The following PCDHB15 variants were observed in gnomAD, a reference collection of about 807,000 sequenced individuals.
PCDHB15 encodes protocadherin beta 15, also known as protocadherin beta-15.
For synonymous variants in PCDHB15, 492 were observed against 447.9 expected (o/e 1.10, Z -1.24); for missense variants, 1,032 against 991.7 (o/e 1.04, Z -0.55).
chr5:141,247,222 A>C lies in PCDHB15; in HGVS notation c.1644A>C (p.Arg548=), dbSNP rs3096082. ...FPALSSEALV[R]VLVLDANDNS... Reference sequence around the variant, plus strand: ...CGCTGAGCAGCGAGGCGCTGGTGCGAGTGCTGGTGCTGGACGCCAACGACA... The same window carrying C: ...CGCTGAGCAGCGAGGCGCTGGTGCGCGTGCTGGTGCTGGACGCCAACGACA... The change falls in exon 1 of 1, where the codon CGA becomes CGC. Residue 548 remains arginine (R), a synonymous_variant. Transcript: ENST00000231173. The C allele has an allele frequency of 0.17, 257,887 of 1,558,048 alleles. 13,233 individuals carry two copies. The highest frequency in any genetic ancestry group is 0.36 in the African/African-American group (25,918 of 72,502).
chr5:141,247,558 G>A lies in PCDHB15; in HGVS notation c.1980G>A (p.Val660=), dbSNP rs1554292259. The change falls in exon 1 of 1, where the codon GTG becomes GTA. Residue 660 remains valine (V), a synonymous_variant. Transcript: ENST00000231173. ...PPRSATATLQ[V]LLVDGFSQPY... is the part of the protein sequence containing the mutation. ...GCTCGGCCACCGCCACGCTGCAAGT[G>A]CTCCTGGTGGACGGCTTCTCTCAGC... is the stretch of plus-strand genomic sequence containing the variant. 1 of 1,609,268 alleles carries A rather than the reference G, an allele frequency of 6.2e-7. No individual in the cohort carries two copies. Among genetic ancestry groups the A allele is most frequent in the Admixed American group, 1.7e-5 (1 of 60,014 alleles).
Position 141,245,437 on chromosome 5 carries a change from G to A in PCDHB15, c.-142G>A. On this transcript the variant is annotated 5_prime_UTR_variant, in exon 1 of 1. Transcript: ENST00000231173. ...AGAGGAAAGCCTGTTAGCAGAGCAC[G>A]GACCAGTGTCTCCGGAGAATGCTAT... 1.5e-6 allele frequency: 1 copy of A among 687,034 alleles called. No homozygotes were observed. Among genetic ancestry groups the A allele is most frequent in the Non-Finnish European group, 2.4e-6 (1 of 413,722 alleles). 42.6% of individuals were successfully genotyped at this position (687,034 alleles called of 1,614,324 possible).
At position 141,247,694 on chromosome 5, in the gene PCDHB15, T is replaced by C. The variant is rs369183023; in HGVS notation, c.2116T>C (p.Phe706Leu). 99 of 1,611,724 alleles carry C rather than the reference T, an allele frequency of 6.1e-5. No homozygotes were observed. The highest frequency in any genetic ancestry group is 3.5e-4 in the Middle Eastern group (2 of 5,770). The stretch of plus-strand genomic sequence containing the variant: ...GTCTTCGCTCTTCCTCTTCTCGGTG[T>C]TCCTGTTCGTGGCAGTGCGGCTGTG... Reference protein sequence around the residue: ...SVSSLFLFSVFLFVAVRLCRR... With the variant: ...SVSSLFLFSVLLFVAVRLCRR... Residue 706 changes from phenylalanine to leucine, a missense_variant, in exon 1 of 1, where the codon TTC (phenylalanine) becomes CTC (leucine). Physicochemically the swap from Phe to Leu is conservative, Grantham distance 22. Transcript: ENST00000231173.
rs1219758549 is a variant in PCDHB15 at position 141,246,735 on chromosome 5, A to C, written c.1157A>C (p.Gln386Pro). 2.4e-5 allele frequency: 39 copies of C among 1,613,966 alleles called. 1 individual carries two copies. The East Asian group carries it at 8.7e-4, about 36-fold the overall frequency. ...GENGKMICSI[Q>P]DDVPFKLKPS... ...AATGGAAAAATGATTTGCTCAATTC[A>C]GGATGATGTTCCTTTTAAGCTAAAA... Residue 386 changes from glutamine to proline, a missense_variant, in exon 1 of 1, where the codon CAG becomes CCG. Transcript: ENST00000231173.
chr5:141,245,749 G>T lies in PCDHB15; in HGVS notation c.171G>T (p.Gly57=). 6.2e-7 allele frequency: 1 copy of T among 1,614,212 alleles called. No homozygotes were observed. Among genetic ancestry groups the T allele is most frequent in the Non-Finnish European group, 8.5e-7 (1 of 1,180,042 alleles). ...CCAATGACCTAGGGCTGGGAGTGGGGGAGCTAGCCGAGCGGGGAGCCCGGG... is the reference window on the plus strand; with the variant it reads ...CCAATGACCTAGGGCTGGGAGTGGGTGAGCTAGCCGAGCGGGGAGCCCGGG... ...NLANDLGLGV[G]ELAERGARVV... Residue 57 remains glycine, a synonymous_variant, in exon 1 of 1, where the codon GGG becomes GGT. Transcript: ENST00000231173.
Position 141,246,486 on chromosome 5 carries a change from T to C in PCDHB15, c.908T>C (p.Leu303Pro). The change falls in exon 1 of 1, where the codon CTA (leucine) becomes CCA (proline). Residue 303 changes from leucine to proline, a missense_variant. Physicochemically the swap from Leu to Pro is moderately conservative, Grantham distance 98 (BLOSUM62 -3). Transcript: ENST00000231173. ...AGCAGCCTTTCAGGAGAAATTCGACTAATTAAAAAACTAGATTTTGAGACA... is the reference window on the plus strand; with the variant it reads ...AGCAGCCTTTCAGGAGAAATTCGACCAATTAAAAAACTAGATTTTGAGACA... ...ELSSLSGEIR[L>P]IKKLDFETMS... 3 of 1,614,156 alleles carry C rather than the reference T, an allele frequency of 1.9e-6. No homozygotes were observed. Among genetic ancestry groups the C allele is most frequent in the African/African-American group, 1.3e-5 (1 of 75,038 alleles).
Position 141,245,974 on chromosome 5 carries a change from G to A in PCDHB15, c.396G>A (p.Glu132=). The A allele has an allele frequency of 6.2e-7, 1 of 1,614,126 alleles. No homozygotes were observed. The highest frequency in any genetic ancestry group is 8.5e-7 in the Non-Finnish European group (1 of 1,180,026). The change falls in exon 1 of 1, where the codon GAG becomes GAA. Residue 132 remains glutamate, a synonymous_variant. Transcript: ENST00000231173. The stretch of plus-strand genomic sequence containing the variant: ...CAGACATAAACGATCATTCTCCTGA[G>A]TTTCCTGAAAGAGAAATGACCCTGA... ...LVTDINDHSP[E]FPEREMTLKI... is the part of the protein sequence containing the mutation.
In PCDHB15 at chr5:141,246,402, G is replaced by A. The variant is rs782411132; in HGVS notation, c.824G>A (p.Gly275Glu). The change falls in exon 1 of 1, where the codon GGA becomes GAA. Residue 275 changes from glycine (G) to glutamate (E), a missense_variant. By Grantham distance (98) the Gly-to-Glu change is moderately conservative. Coordinates refer to ENST00000231173, the MANE Select transcript of PCDHB15 (RefSeq NM_018935.4). ...AGGGATTTAGACACTGGGACAAATGGAGAGATATCATACTCCCTTTATTAC... is the reference window on the plus strand; with the variant it reads ...AGGGATTTAGACACTGGGACAAATGAAGAGATATCATACTCCCTTTATTAC... ...SARDLDTGTN[G>E]EISYSLYYSS... 4 of 1,613,726 alleles carry A rather than the reference G, an allele frequency of 2.5e-6. No homozygotes were observed. The highest frequency in any genetic ancestry group is 2.7e-5 in the African/African-American group (2 of 74,916).
Position 141,245,770 on chromosome 5 carries a change from C to T in PCDHB15, c.192C>T (p.Ala64=). Residue 64 remains alanine, a synonymous_variant, in exon 1 of 1, where the codon GCC becomes GCT. Transcript: ENST00000231173. ...LGVGELAERG[A]RVVSEDNEQG... ...TGGGGGAGCTAGCCGAGCGGGGAGC[C>T]CGGGTAGTTTCTGAGGATAACGAAC... 6.2e-7 allele frequency: 1 copy of T among 1,614,150 alleles called. No individual in the cohort carries two copies. The highest frequency in any genetic ancestry group is 8.5e-7 in the Non-Finnish European group (1 of 1,180,024).
chr5:141,245,716 C>G lies in PCDHB15; in HGVS notation c.138C>G (p.Ala46=). The change falls in exon 1 of 1, where the codon GCC becomes GCG. Residue 46 remains alanine (A), a synonymous_variant. Coordinates refer to ENST00000231173, the MANE Select transcript of PCDHB15 (RefSeq NM_018935.4). ...AAACAGAGAGAGGTTCTTTTGTAGC[C>G]AACCTGGCCAATGACCTAGGGCTGG... ...MEETERGSFV[A]NLANDLGLGV... The G allele has an allele frequency of 6.2e-7, 1 of 1,614,190 alleles. No individual in the cohort carries two copies. Among genetic ancestry groups the G allele is most frequent in the South Asian group, 1.1e-5 (1 of 91,084 alleles).
Position 141,247,040 on chromosome 5 carries a change from T to A in PCDHB15, c.1462T>A (p.Tyr488Asn), listed in dbSNP as rs1564025000. The change falls in exon 1 of 1, where the codon TAC becomes AAC. Residue 488 changes from tyrosine to asparagine, a missense_variant. Physicochemically the swap from Tyr to Asn is moderately radical, Grantham distance 143 (BLOSUM62 -2). Coordinates refer to ENST00000231173, the MANE Select transcript of PCDHB15 (RefSeq NM_018935.4). ...RDSGTNAQVT[Y>N]SLLPPRDPHL... is the part of the protein sequence containing the mutation. ...CTCGGGCACCAACGCCCAGGTCACCTACTCGCTGCTGCCGCCCCGGGACCC... is the reference window on the plus strand; with the variant it reads ...CTCGGGCACCAACGCCCAGGTCACCAACTCGCTGCTGCCGCCCCGGGACCC... 1.2e-6 allele frequency: 2 copies of A among 1,613,722 alleles called. No homozygotes were observed.
At position 141,245,426 on chromosome 5, in the gene PCDHB15, T is replaced by C; in HGVS notation, c.-153T>C. On this transcript the variant is annotated 5_prime_UTR_variant, in exon 1 of 1. Transcript: ENST00000231173. ...CTTTCAGCCTAAGAGGAAAGCCTGT[T>C]AGCAGAGCACGGACCAGTGTCTCCG... The C allele has an allele frequency of 1.5e-6, 1 of 645,362 alleles. No homozygotes were observed. The highest frequency in any genetic ancestry group is 2.6e-6 in the Non-Finnish European group (1 of 379,842). The allele number at this position is 645,362 out of a possible 1,614,324, so 40.0% of individuals were successfully genotyped here.
rs143037265 is a variant in PCDHB15 at position 141,248,037 on chromosome 5, C to CT, written c.*103dup. Reference sequence around the variant, plus strand: ...AACCCTTTAGTAATCTTGAATTCTACTTTTTTTTAAATTTCTACTGTTGTC... The same window carrying CT: ...AACCCTTTAGTAATCTTGAATTCTACTTTTTTTTTAAATTTCTACTGTTGTC... On this transcript the variant is annotated 3_prime_UTR_variant, in exon 1 of 1. Coordinates refer to ENST00000231173, the MANE Select transcript of PCDHB15 (RefSeq NM_018935.4). 166,991 of 1,205,920 alleles carry CT rather than the reference C, an allele frequency of 0.14. 12,508 individuals carry two copies. Among genetic ancestry groups the CT allele is most frequent in the Middle Eastern group, 0.18 (836 of 4,648 alleles). The allele number at this position is 1,205,920 out of a possible 1,614,324, so 74.7% of individuals were successfully genotyped here.
At position 141,247,095 on chromosome 5, in the gene PCDHB15, T is replaced by C; in HGVS notation, c.1517T>C (p.Ile506Thr). 6.2e-7 allele frequency: 1 copy of C among 1,614,002 alleles called. No homozygotes were observed. The highest frequency in any genetic ancestry group is 8.5e-7 in the Non-Finnish European group (1 of 1,179,986). The change falls in exon 1 of 1, where the codon ATT becomes ACT. Residue 506 changes from isoleucine to threonine, a missense_variant. Ile to Thr is a moderately conservative substitution (Grantham distance 89). Transcript: ENST00000231173. ...PHLPLTSLVS[I>T]NTDNGHLFAL... is the part of the protein sequence containing the mutation. Reference sequence around the variant, plus strand: ...CTGCCCCTCACCTCCCTGGTCTCCATTAACACGGACAACGGCCACCTGTTC... The same window carrying C: ...CTGCCCCTCACCTCCCTGGTCTCCACTAACACGGACAACGGCCACCTGTTC...
rs1267041396 is a variant in PCDHB15 at position 141,247,720 on chromosome 5, C to CA, written c.2143dup (p.Arg715LysfsTer46). On this transcript the variant is annotated frameshift_variant, in exon 1 of 1. Transcript: ENST00000231173. LOFTEE classifies it low-confidence loss of function (END_TRUNC). ...TCCTGTTCGTGGCAGTGCGGCTGTG[C>CA]AGGAGGAGCAGGGCGGCCTCAGTGG... is the stretch of plus-strand genomic sequence containing the variant. 1.9e-6 allele frequency: 3 copies of CA among 1,613,368 alleles called. No individual in the cohort carries two copies. In the African/African-American group the frequency reaches 4.0e-5, roughly 22 times the overall value.
rs782712005 is a variant in PCDHB15, at chr5:141,247,532, C to A, written c.1954C>A (p.Arg652Ser). ...GGTCAAGGACAATGGCGAGCCTCCG[C>A]GCTCGGCCACCGCCACGCTGCAAGT... ...VLVKDNGEPP[R>S]SATATLQVLL... Residue 652 changes from arginine (R) to serine (S), a missense_variant, in exon 1 of 1, where the codon CGC becomes AGC. Physicochemically the swap from Arg to Ser is moderately radical, Grantham distance 110. Transcript: ENST00000231173. 1 of 1,608,482 alleles carries A rather than the reference C, an allele frequency of 6.2e-7. No individual in the cohort carries two copies. Among genetic ancestry groups the A allele is most frequent in the South Asian group, 1.1e-5 (1 of 90,992 alleles).
In PCDHB15 at chr5:141,245,404, T is replaced by A. The variant is rs1554291721; in HGVS notation, c.-175T>A. ...TGCTACTAGCTACTTCAGACCTCTT[T>A]CAGCCTAAGAGGAAAGCCTGTTAGC... On this transcript the variant is annotated 5_prime_UTR_variant, in exon 1 of 1. Coordinates refer to ENST00000231173, the MANE Select transcript of PCDHB15 (RefSeq NM_018935.4). The A allele has an allele frequency of 1.7e-6, 1 of 595,404 alleles. No individual in the cohort carries two copies. The highest frequency in any genetic ancestry group is 2.9e-6 in the Non-Finnish European group (1 of 341,116). The allele number at this position is 595,404 out of a possible 1,614,324, so 36.9% of individuals were successfully genotyped here.
rs201079466 is a variant in PCDHB15 at position 141,247,829 on chromosome 5, T to C, written c.2251T>C (p.Tyr751His). The change falls in exon 1 of 1, where the codon TAC (tyrosine) becomes CAC (histidine). Residue 751 changes from tyrosine to histidine, a missense_variant. Transcript: ENST00000231173. ...GTGTLSQSYQ[Y>H]EVCLTGGSES... ...CGGGACCCTTTCCCAGAGCTACCAG[T>C]ACGAGGTGTGTCTGACGGGAGGCTC... 128 of 1,614,218 alleles carry C rather than the reference T, an allele frequency of 7.9e-5. No individual in the cohort carries two copies. The East Asian group carries it at 2.6e-3, about 33-fold the overall frequency.
In PCDHB15 at chr5:141,249,355, A is replaced by T. The variant is rs947612533; in HGVS notation, c.*1413A>T. ...TAAGTCACTTCCTTGCAATAAATTG[A>T]TTACTACACATCTGCTGCCTGTTTC... On this transcript the variant is annotated 3_prime_UTR_variant, in exon 1 of 1. Transcript: ENST00000231173. The T allele has an allele frequency of 8.5e-5, 13 of 152,388 alleles. No individual in the cohort carries two copies. The highest frequency in any genetic ancestry group is 3.1e-4 in the African/African-American group (13 of 41,584). 9.4% of individuals were successfully genotyped at this position (152,388 alleles called of 1,614,324 possible).
Sources: gnomAD v4.1 joint callset for allele counts on GRCh38, gnomAD v4.1.1 for gene constraint, MANE v1.5 for transcripts, NCBI Gene and HGNC (gene_info 2026-07-23, HGNC 2026-07-21) for gene names.